MACROD1: variants seen among roughly 807,000 people sequenced by gnomAD.
MACROD1 encodes the protein ADP-ribose glycohydrolase MACROD1.
MACROD1 carries 31 observed loss-of-function variants against 41.4 expected under a neutral mutation model. The observed-to-expected ratio is 0.75, with a 90% CI of 0.56 to 1.01. MACROD1 has a LOEUF of 1.01. Ranked by LOEUF, MACROD1 falls within the 50% of genes least tolerant of loss-of-function variation. The pLI is 0.00. For synonymous variants in MACROD1, 252 were observed against 203.4 expected, an observed-to-expected ratio of 1.24 and a Z score of -2.03; for missense variants, 473 against 460.0, an observed-to-expected ratio of 1.03 and a Z score of -0.26.
intron 3 of MACROD1, chr11:64,116,259 C>G: frequency 6.3e-7 from 1 of 1,591,536 alleles, no homozygotes; most frequent in East Asian, 2.2e-5. Context: ...ACGCCCCCAG[C>G]CATCCACCAT....
At chr11:64,078,303 TCCAG>T (rs1290655455) in intron 3 of MACROD1, among the ~76,000 whole-genome samples, 1 of 152,142 alleles carries the variant, frequency 6.6e-6, no homozygotes, top group East Asian at 1.9e-4. Flanking sequence ...TGGCCTCTTC[TCCAG>T]CCTGGACCCC....
intron 3 of MACROD1, chr11:64,117,770 C>T (rs1288589197): frequency 1.9e-6 from 3 of 1,614,140 alleles, no homozygotes; most frequent in South Asian, 2.2e-5. Context: ...AGCCCAAGTC[C>T]ACCTACATCA....
intron 3 of MACROD1, among the ~76,000 whole-genome samples, chr11:64,048,666 C>G (rs1041547482): frequency 6.7e-6 from 1 of 149,194 alleles, no homozygotes; most frequent in Non-Finnish European, 1.5e-5. Context: ...TTCCTTAAAG[C>G]AGCCCTACAA....
rs2010973 is a variant in MACROD1 at position 64,086,631 on chromosome 11, C to G, written c.517+64608G>C. ...GTGCTTTTTCCGGCCCCTGCAGCCC[C>G]ACTTCTGTCTGAGACTCCTATTCAT... On this transcript the variant is annotated intron_variant, in intron 3 of 10. Coordinates refer to ENST00000255681, the MANE Select transcript of MACROD1 (RefSeq NM_014067.4). 9.2e-4 allele frequency among the ~76,000 whole-genome samples: 140 copies of G among 152,300 alleles called. 3 individuals are homozygous for G. Among genetic ancestry groups the G allele is most frequent in the Admixed American group, 7.8e-3 (119 of 15,300 alleles).
At chr11:64,112,733 A>T (rs992004738) in intron 3 of MACROD1, among the ~76,000 whole-genome samples, 3 of 152,142 alleles carry the variant, frequency 2.0e-5, no homozygotes, top group Admixed American at 6.5e-5. Context: ...CCCTGGGGAT[A>T]CTAGGGGGTG....
In MACROD1 at chr11:64,120,033, G is replaced by A. The variant is rs1242964849; in HGVS notation, c.517+31206C>T. On this transcript the variant is annotated intron_variant, in intron 3 of 10. Coordinates refer to ENST00000255681, the MANE Select transcript of MACROD1 (RefSeq NM_014067.4). This position sits in a 1 kb window ranked among gnomAD's most constrained non-coding sequence, Gnocchi z 4.5. ...GCAGGAGGATGAGAGGGCTGGGAGC[G>A]CCTGGTGGTGCTATTTTCAAACGGC... is the stretch of plus-strand genomic sequence containing the variant. 1.3e-5 allele frequency among the ~76,000 whole-genome samples: 2 copies of A among 152,160 alleles called. No individual in the cohort carries two copies. The highest frequency in any genetic ancestry group is 1.9e-4 in the East Asian group (1 of 5,182).
chr11:64,136,880 G>A (rs994170440), intron 3 of MACROD1, among the ~76,000 whole-genome samples: 21 of 152,240 alleles, frequency 1.4e-4, no homozygotes, highest in African/African-American at 9.6e-5. Context: ...CTGCAGGGAT[G>A]GGGGGATGAG....
chr11:64,094,625 G>A (rs1252134541), intron 3 of MACROD1, among the ~76,000 whole-genome samples: 1 of 152,308 alleles, frequency 6.6e-6, no homozygotes, highest in East Asian at 1.9e-4. Flanking sequence ...GGTCGCGTAC[G>A]TCATGGGGCA....
intron 3 of MACROD1, among the ~76,000 whole-genome samples, chr11:64,070,541 G>A (rs144235418): frequency 1.3e-3 from 200 of 152,284 alleles, no homozygotes; most frequent in African/African-American, 4.4e-3. Flanking sequence ...AGCAGAGCTC[G>A]AGAACTCGAA....
intron 3 of MACROD1, among the ~76,000 whole-genome samples, chr11:64,025,005 C>T (rs962646641): frequency 6.6e-6 from 1 of 152,146 alleles, no homozygotes; most frequent in Admixed American, 6.5e-5. Context: ...GAGACAGAGT[C>T]TCACTCTGTC....
chr11:64,029,266 C>T (rs1439764494), intron 3 of MACROD1, among the ~76,000 whole-genome samples: 1 of 152,132 alleles, frequency 6.6e-6, no homozygotes, highest in Non-Finnish European at 1.5e-5. Flanking sequence ...TAAAGCAGCT[C>T]ACACGGGCAG....
At chr11:64,152,772 C>T (rs1945602404) in intron 1 of MACROD1, among the ~76,000 whole-genome samples, 1 of 152,208 alleles carries the variant, frequency 6.6e-6, no homozygotes, top group Non-Finnish European at 1.5e-5. Context: ...TCCTCCCACA[C>T]ACTAAGGCCA....
intron 3 of MACROD1, among the ~76,000 whole-genome samples, chr11:64,137,033 C>T (rs1945343061): frequency 6.6e-6 from 1 of 152,240 alleles, no homozygotes; most frequent in African/African-American, 2.4e-5. Context: ...GACGAATCTC[C>T]AGGCCGCTTT....
chr11:64,094,911 C>T (rs1293711707), intron 3 of MACROD1, among the ~76,000 whole-genome samples: 1 of 152,198 alleles, frequency 6.6e-6, no homozygotes, highest in African/African-American at 2.4e-5. Context: ...GCCTGTGTCC[C>T]AAGAGGGGAG....
intron 3 of MACROD1, among the ~76,000 whole-genome samples, chr11:64,142,015 C>T (rs1335387408): frequency 6.6e-6 from 1 of 152,172 alleles, no homozygotes; most frequent in Non-Finnish European, 1.5e-5. Context: ...TACACTGGGC[C>T]TTGTACCTCC....
intron 3 of MACROD1, among the ~76,000 whole-genome samples, chr11:64,021,877 A>G (rs1943157066): frequency 6.9e-6 from 1 of 145,654 alleles, no homozygotes; most frequent in Admixed American, 6.9e-5. Flanking sequence ...AACTTGCACA[A>G]GAATCCCTGT....
intron 3 of MACROD1, among the ~76,000 whole-genome samples, chr11:64,043,890 C>A (rs983554911): frequency 2.0e-5 from 3 of 151,520 alleles, no homozygotes; most frequent in Non-Finnish European, 2.9e-5. Flanking sequence ...GGGCTCACAG[C>A]AACCTCTGTC....
At chr11:64,099,880 G>A (rs924230011) in intron 3 of MACROD1, among the ~76,000 whole-genome samples, 1 of 151,972 alleles carries the variant, frequency 6.6e-6, no homozygotes, top group Non-Finnish European at 1.5e-5. Flanking sequence ...TGGAGGGATC[G>A]AGAAATGGAG....
intron 4 of MACROD1, chr11:64,001,371 G>T: frequency 1.4e-6 from 1 of 698,276 alleles, no homozygotes; most frequent in Non-Finnish European, 2.6e-6. Context: ...AGCTCTGATC[G>T]CCCACGCCAG....
Sources: gnomAD v4.1 joint callset for allele counts (sites outside exome capture counted in the v4.1 genomes callset) on GRCh38, gnomAD v4.1.1 for gene constraint, Gnocchi (gnomAD v3.1) non-coding constraint, MANE v1.5 for transcripts, NCBI Gene and HGNC (gene_info 2026-07-23, HGNC 2026-07-21) for gene names.